LRFN5: variants seen among roughly 807,000 people sequenced by gnomAD.
LRFN5 encodes leucine rich repeat and fibronectin type III domain containing 5.
LRFN5 carries 24 observed loss-of-function variants against 45.6 expected under a neutral mutation model. The ratio of observed to expected loss-of-function variants is 0.53; its 90% CI spans 0.38 to 0.74. LRFN5 has a LOEUF of 0.74. Ranked by LOEUF, LRFN5 falls within the 30% of genes least tolerant of loss-of-function variation. The pLI, the probability that LRFN5 is intolerant of heterozygous loss-of-function variation, is 0.00. For synonymous variants in LRFN5, 340 were observed against 313.8 expected (o/e 1.08, Z -0.88); for missense variants, 776 against 861.5 (o/e 0.90, Z 1.24).
intron 1 of LRFN5, among the ~76,000 whole-genome samples, chr14:41,715,153 T>A (rs969244998): frequency 6.6e-6 from 1 of 152,140 alleles, no homozygotes; most frequent in Non-Finnish European, 1.5e-5. Context: ...TGAAACAAAT[T>A]GGAGAGAAAA....
chr14:41,707,979 T>C (rs1476649556), intron 1 of LRFN5, among the ~76,000 whole-genome samples: 1 of 152,088 alleles, frequency 6.6e-6, no homozygotes, highest in Non-Finnish European at 1.5e-5. Flanking sequence ...TATTTATACA[T>C]GTTAACTGTT....
chr14:41,629,756 T>A (rs933186727), intron 1 of LRFN5, among the ~76,000 whole-genome samples: 1 of 152,166 alleles, frequency 6.6e-6, no homozygotes, highest in African/African-American at 2.4e-5. Flanking sequence ...GTCACATGTC[T>A]TAGTTCCCAT....
At chr14:41,763,645 CATAAG>C (rs1885759485) in intron 1 of LRFN5, among the ~76,000 whole-genome samples, 1 of 152,100 alleles carries the variant, frequency 6.6e-6, no homozygotes, top group African/African-American at 2.4e-5. Flanking sequence ...GAATAAGTCT[CATAAG>C]ATGTAATGAT....
In LRFN5 at chr14:41,890,235, T is replaced by C. The variant is rs1453293674; in HGVS notation, c.1386-1015T>C. On this transcript the variant is annotated intron_variant, in intron 3 of 5. Transcript: ENST00000298119. ...TTGCACTTTATAAATTGTGCTCTGA[T>C]GGAAATTTGCGGTAGCATACAACGG... 3.9e-5 allele frequency among the ~76,000 whole-genome samples: 6 copies of C among 152,232 alleles called. No homozygotes were observed. In the South Asian group the frequency reaches 1.2e-3, roughly 32 times the overall value.
At chr14:41,633,645 T>G (rs902240317) in intron 1 of LRFN5, among the ~76,000 whole-genome samples, 7 of 152,148 alleles carry the variant, frequency 4.6e-5, no homozygotes, top group African/African-American at 1.4e-4. Context: ...ATTATGACAT[T>G]ATGTGTCACA....
At chr14:41,774,371 C>T (rs997204232) in intron 2 of LRFN5, among the ~76,000 whole-genome samples, 3 of 152,138 alleles carry the variant, frequency 2.0e-5, no homozygotes, top group African/African-American at 7.2e-5. Flanking sequence ...TGAGGCATCT[C>T]TTATCAATAT....
At chr14:41,856,220 C>T (rs775442344) in intron 2 of LRFN5, among the ~76,000 whole-genome samples, 1 of 152,156 alleles carries the variant, frequency 6.6e-6, no homozygotes, top group South Asian at 2.1e-4. Flanking sequence ...ATGATCCAGA[C>T]AGTAAACAAA....
chr14:41,656,472 C>A (rs1880386242), intron 1 of LRFN5, among the ~76,000 whole-genome samples: 1 of 151,804 alleles, frequency 6.6e-6, no homozygotes, highest in African/African-American at 2.4e-5. Context: ...TTTATTGAGA[C>A]CTGATCAGCT....
chr14:41,797,993 G>A lies in LRFN5; in HGVS notation c.-21+30964G>A, dbSNP rs144807738. Among the ~76,000 whole-genome samples, 436 of 151,798 alleles carry A rather than the reference G, an allele frequency of 2.9e-3. 14 individuals carry two copies. The highest frequency in any genetic ancestry group is 0.027 in the Admixed American group (403 of 15,186). On this transcript the variant is annotated intron_variant, in intron 2 of 5. Coordinates refer to ENST00000298119, the MANE Select transcript of LRFN5 (RefSeq NM_152447.5). ...ATCTTTATTATTGATTATTAAAATA[G>A]TACCAAAATACAAGTGCCCCATTAT...
At chr14:41,650,266 C>CACACACACACACAAA (rs1247683262) in intron 1 of LRFN5, among the ~76,000 whole-genome samples, 3 of 135,454 alleles carry the variant, frequency 2.2e-5, no homozygotes, top group African/African-American at 8.5e-5. Flanking sequence ...CACACACACA[C>CACACACACACACAAA]AAAAAAAAAA....
rs530591621 is a variant in LRFN5, at chr14:41,607,985, T to G, written c.-774T>G. On this transcript the variant is annotated 5_prime_UTR_variant, in exon 1 of 6. Transcript: ENST00000298119. Reference sequence around the variant, plus strand: ...ACTGCTTAACAAAATCCCCGACTCTTCCTCAGCCCTTTCTCGGCTCCCTCC... The same window carrying G: ...ACTGCTTAACAAAATCCCCGACTCTGCCTCAGCCCTTTCTCGGCTCCCTCC... The G allele has an allele frequency of 6.6e-6, 1 of 152,302 alleles. No homozygotes were observed. Among genetic ancestry groups the G allele is most frequent in the Non-Finnish European group, 1.5e-5 (1 of 68,036 alleles). 9.4% of individuals were successfully genotyped at this position (152,302 alleles called of 1,614,324 possible). A position where few individuals can be genotyped will look rare whatever the true frequency, so the allele number is the denominator to read the frequency against.
intron 2 of LRFN5, among the ~76,000 whole-genome samples, chr14:41,823,421 T>TTATCTATATCTATATCTA (rs58012120): frequency 1.1e-4 from 17 of 150,762 alleles, no homozygotes; most frequent in African/African-American, 4.1e-4. Flanking sequence ...AATTCTTGGC[T>TTATCTATATCTATATCTA]TATCTATATC....
intron 5 of LRFN5, among the ~76,000 whole-genome samples, chr14:41,900,239 T>C (rs1236594210): frequency 6.6e-6 from 1 of 152,134 alleles, no homozygotes; most frequent in Non-Finnish European, 1.5e-5. Context: ...TACTAAATGT[T>C]GTTTCAAAAT....
At chr14:41,610,429 T>G (rs543816481) in intron 1 of LRFN5, among the ~76,000 whole-genome samples, 1 of 152,116 alleles carries the variant, frequency 6.6e-6, no homozygotes, top group South Asian at 2.1e-4. Context: ...CTTGCTCTCC[T>G]CGGTTTGATC....
intron 1 of LRFN5, among the ~76,000 whole-genome samples, chr14:41,656,598 G>A (rs896868399): frequency 2.0e-5 from 3 of 151,790 alleles, no homozygotes; most frequent in Admixed American, 1.3e-4. Context: ...TCTGTCTAAG[G>A]CATTCAACTG....
intron 4 of LRFN5, chr14:41,893,259 A>T: frequency 1.9e-5 from 18 of 957,860 alleles, no homozygotes; most frequent in Non-Finnish European, 2.1e-5. Context: ...ATAATATGGA[A>T]TTATTAGAAA....
At chr14:41,662,722 T>G (rs1165673379) in intron 1 of LRFN5, among the ~76,000 whole-genome samples, 4 of 152,020 alleles carry the variant, frequency 2.6e-5, no homozygotes, top group Non-Finnish European at 5.9e-5. Context: ...TGCAGCTGTT[T>G]ATCATCACAT....
At chr14:41,737,281 G>T (rs1409526486) in intron 1 of LRFN5, among the ~76,000 whole-genome samples, 3 of 152,100 alleles carry the variant, frequency 2.0e-5, no homozygotes, top group African/African-American at 7.2e-5. Context: ...TGCTGAAAAG[G>T]TTTTTGATAA....
intron 2 of LRFN5, among the ~76,000 whole-genome samples, chr14:41,822,831 G>A (rs1236289565): frequency 7.0e-6 from 1 of 142,578 alleles, no homozygotes; most frequent in African/African-American, 2.6e-5. Flanking sequence ...CTCTGGTATT[G>A]GTTGCATATA....
Sources: gnomAD v4.1 joint callset for allele counts (sites outside exome capture counted in the v4.1 genomes callset) on GRCh38, gnomAD v4.1.1 for gene constraint, MANE v1.5 for transcripts, NCBI Gene and HGNC (gene_info 2026-07-23, HGNC 2026-07-21) for gene names.